ZNF536: variants seen among roughly 807,000 people sequenced by gnomAD.
ZNF536 encodes the protein zinc finger protein 536.
A neutral mutation model predicts 84.5 loss-of-function variants in ZNF536; 13 were observed. The ratio of observed to expected loss-of-function variants is 0.15; its 90% CI spans 0.10 to 0.24. The LOEUF (loss-of-function observed/expected upper bound fraction) is 0.24. ZNF536 is among the 10% of genes least tolerant of loss of function. ZNF536 has a pLI of 1.00. For missense variants in ZNF536, 1,536 were observed against 1,747.5 expected, an observed-to-expected ratio of 0.88 and a Z score of 2.16; for synonymous variants, 811 against 742.5, an observed-to-expected ratio of 1.09 and a Z score of -1.50.
chr19:30,668,149 C>A (rs1373452892), intron 1 of ZNF536, among the ~76,000 whole-genome samples: 2 of 152,128 alleles, frequency 1.3e-5, no homozygotes, highest in Admixed American at 1.3e-4. Flanking sequence ...ATTTTTAGTT[C>A]ATGATGATGG....
intron 2 of ZNF536, among the ~76,000 whole-genome samples, chr19:30,523,818 A>G (rs73026705): frequency 0.095 from 14,406 of 152,278 alleles, 944 homozygotes; most frequent in Non-Finnish European, 0.14. Context: ...TGTGACCACA[A>G]GTGTGGTCAA....
intron 1 of ZNF536, among the ~76,000 whole-genome samples, chr19:30,595,623 C>T (rs961812141): frequency 6.6e-6 from 1 of 152,162 alleles, no homozygotes. Context: ...TTATTTGTAC[C>T]TCGAACTGCT....
Position 30,474,621 on chromosome 19 carries a change from A to C in ZNF536, c.2170+28889A>C, listed in dbSNP as rs573430425. ...TATTACACGAAGCCCCTGAAGTGGT[A>C]CATTAAAGCAGTTTGGATTTTCTCT... On this transcript the variant is annotated intron_variant, in intron 2 of 4. Transcript: ENST00000355537. Among the ~76,000 whole-genome samples the C allele has an allele frequency of 1.3e-4, 20 of 152,280 alleles. No homozygotes were observed. In the East Asian group the frequency reaches 3.9e-3, roughly 29 times the overall value.
chr19:30,331,310 A>C (rs1315761885), intron 2 of ZNF536, among the ~76,000 whole-genome samples: 1 of 150,686 alleles, frequency 6.6e-6, no homozygotes, highest in East Asian at 1.9e-4. Context: ...AAAAAAAAAA[A>C]AAAAAAAAAA....
At chr19:30,245,129 A>G (rs1164245894) in intron 1 of ZNF536, among the ~76,000 whole-genome samples, 1 of 152,146 alleles carries the variant, frequency 6.6e-6, no homozygotes, top group Non-Finnish European at 1.5e-5. Flanking sequence ...TGAGGGCCAT[A>G]GCACACCTGT....
Position 30,444,105 on chromosome 19 carries a change from G to A in ZNF536, c.543G>A (p.Lys181=), listed in dbSNP as rs148725432. The A allele has an allele frequency of 5.0e-5, 81 of 1,612,182 alleles. No homozygotes were observed. The highest frequency in any genetic ancestry group is 6.4e-5 in the Non-Finnish European group (75 of 1,179,328). The change falls in exon 2 of 5, where the codon AAG becomes AAA. Residue 181 remains lysine (K), a synonymous_variant. Transcript: ENST00000355537. ...TCAAGATTCACCTGCGGACCCACAA[G>A]CTGGGCAACCTGGGCAAGGGGCGTG... The part of the protein sequence containing the change: ...GNLKIHLRTH[K]LGNLGKGRGR...
chr19:30,267,444 A>G (rs2025574165), intron 1 of ZNF536, among the ~76,000 whole-genome samples: 1 of 151,724 alleles, frequency 6.6e-6, no homozygotes, highest in Non-Finnish European at 1.5e-5. Flanking sequence ...AAGGAGGGGG[A>G]CTCTTCTAGC....
intron 1 of ZNF536, among the ~76,000 whole-genome samples, chr19:30,234,950 G>A (rs2023374667): frequency 6.6e-6 from 1 of 152,110 alleles, no homozygotes; most frequent in Non-Finnish European, 1.5e-5. Context: ...GTTCATGCAA[G>A]TACCAGATCG....
At chr19:30,416,306 T>G (rs2050731128) in intron 1 of ZNF536, among the ~76,000 whole-genome samples, 1 of 148,664 alleles carries the variant, frequency 6.7e-6, no homozygotes, top group Non-Finnish European at 1.5e-5. Context: ...TTTTTTTTTT[T>G]TTTTGGTACA....
chr19:30,678,417 G>A (rs1001288911), intron 1 of ZNF536, among the ~76,000 whole-genome samples: 1 of 152,180 alleles, frequency 6.6e-6, no homozygotes, highest in Non-Finnish European at 1.5e-5. Context: ...AGCCCAGCCT[G>A]TGACTCTGGC....
intron 2 of ZNF536, among the ~76,000 whole-genome samples, chr19:30,514,440 C>CT (rs767917021): frequency 6.6e-6 from 1 of 151,982 alleles, no homozygotes; most frequent in Non-Finnish European, 1.5e-5. Context: ...CCCCTGGGTC[C>CT]TGCAGGGGGG....
rs116085191 is a variant in ZNF536 at position 30,673,753 on chromosome 19, C to T, written c.170-37004C>T. Among the ~76,000 whole-genome samples the T allele has an allele frequency of 5.3e-3, 804 of 152,336 alleles. 6 individuals are homozygous for T. The highest frequency in any genetic ancestry group is 0.018 in the African/African-American group (753 of 41,576). On this transcript the variant is annotated intron_variant, in intron 1 of 1. Transcript: ENST00000592773. ...CCACCCCAAACCGTGCACGGACGCA[C>T]GTCCCGATGTCAGGTTCCCCATGTT... is the stretch of plus-strand genomic sequence containing the variant.
chr19:30,237,305 C>T (rs779581087), intron 1 of ZNF536, among the ~76,000 whole-genome samples: 4 of 152,086 alleles, frequency 2.6e-5, no homozygotes, highest in Admixed American at 6.5e-5. Context: ...GACAGACTTT[C>T]GCATTGGAAT....
chr19:30,692,049 C>G (rs1200758411), intron 1 of ZNF536, among the ~76,000 whole-genome samples: 1 of 152,170 alleles, frequency 6.6e-6, no homozygotes, highest in African/African-American at 2.4e-5. Context: ...CCCAGGCTGC[C>G]CTTAAGAGTT....
At chr19:30,348,996 A>C (rs2047842616) in intron 2 of ZNF536, among the ~76,000 whole-genome samples, 1 of 152,176 alleles carries the variant, frequency 6.6e-6, no homozygotes, top group Non-Finnish European at 1.5e-5. Flanking sequence ...AGCCAGGCTA[A>C]GAATGACACA....
At chr19:30,442,153 C>T (rs1309286955) in intron 1 of ZNF536, among the ~76,000 whole-genome samples, 1 of 152,224 alleles carries the variant, frequency 6.6e-6, no homozygotes, top group African/African-American at 2.4e-5. Context: ...TGGACTCCTT[C>T]AGGTGGGAGA....
At chr19:30,543,498 G>A (rs1286063756) in intron 3 of ZNF536, among the ~76,000 whole-genome samples, 1 of 152,224 alleles carries the variant, frequency 6.6e-6, no homozygotes, top group Non-Finnish European at 1.5e-5. Flanking sequence ...GTTGGGCAGG[G>A]CTAGGCAGGC....
chr19:30,317,788 TC>T (rs1256009394), intron 2 of ZNF536, among the ~76,000 whole-genome samples: 1 of 152,252 alleles, frequency 6.6e-6, no homozygotes, highest in Non-Finnish European at 1.5e-5. Context: ...AGGCATTTCA[TC>T]AATTCTTCTG....
intron 2 of ZNF536, among the ~76,000 whole-genome samples, chr19:30,328,215 G>A (rs2047098706): frequency 6.6e-6 from 1 of 152,186 alleles, no homozygotes; most frequent in Admixed American, 6.5e-5. Context: ...GCATTGCCCA[G>A]CTCCAGTGAC....
Sources: allele counts gnomAD v4.1 joint callset (sites outside exome capture counted in the v4.1 genomes callset), GRCh38; gene constraint gnomAD v4.1.1; transcripts MANE v1.5; gene names NCBI Gene and HGNC (gene_info 2026-07-23, HGNC 2026-07-21).